Variants in ACKR3 observed in about 807,000 individuals in gnomAD.
The protein encoded by ACKR3 is C-X-C chemokine receptor type 7.
A neutral mutation model predicts 22.4 loss-of-function variants in ACKR3; 6 were observed. The observed-to-expected ratio is 0.27, with a 90% CI of 0.15 to 0.53. ACKR3 has a LOEUF of 0.53. Among genes scored for constraint, ACKR3 ranks in the 20% least tolerant of loss-of-function variants. The probability of loss-of-function intolerance (pLI) is 0.96; values close to 1 mark genes in which losing one functional copy is unlikely to be tolerated. For synonymous variants in ACKR3, 209 were observed against 205.2 expected (o/e 1.02, Z -0.16); for missense variants, 396 against 475.2 (o/e 0.83, Z 1.55).
In ACKR3 at chr2:236,580,805, G is replaced by A. The variant is rs763930150; in HGVS notation, c.340G>A (p.Glu114Lys). The A allele has an allele frequency of 6.2e-6, 10 of 1,614,048 alleles. No homozygotes were observed. Among genetic ancestry groups the A allele is most frequent in the East Asian group, 2.2e-5 (1 of 44,880 alleles). The change falls in exon 2 of 2, where the codon GAG (glutamate) becomes AAG (lysine). Residue 114 changes from glutamate to lysine, a missense_variant. Coordinates refer to ENST00000272928, the MANE Select transcript of ACKR3 (RefSeq NM_020311.3). ...GCAGCACAACCAGTGGCCCATGGGC[G>A]AGCTCACGTGCAAAGTCACACACCT... ...LVQHNQWPMG[E>K]LTCKVTHLIF...
upstream of ACKR3, among the ~76,000 whole-genome samples, chr2:236,567,318 A>G (rs1056975636): frequency 6.6e-6 from 1 of 151,978 alleles, no homozygotes; most frequent in African/African-American, 2.4e-5. Flanking sequence ...TTTCTGTATG[A>G]GGGCTCCCAT....
At position 236,575,817 on chromosome 2, in the gene ACKR3, G is replaced by A. The variant is rs574370785; in HGVS notation, c.-26-4623G>A. 3.8e-4 allele frequency among the ~76,000 whole-genome samples: 58 copies of A among 152,294 alleles called. No homozygotes were observed. The Middle Eastern group carries it at 0.017, about 45-fold the overall frequency. ...CGGAGACACCAGGCTTTACTGAGTC[G>A]TGCCTTTGTTGAAAGACATTTACGT... On this transcript the variant is annotated intron_variant, in intron 1 of 1. Coordinates refer to ENST00000272928, the MANE Select transcript of ACKR3 (RefSeq NM_020311.3).
At chr2:236,568,042 G>A (rs1479028345), upstream of ACKR3, among the ~76,000 whole-genome samples, 1 of 152,198 alleles carries the variant, frequency 6.6e-6, no homozygotes, top group Non-Finnish European at 1.5e-5. Context: ...TTCTGGCCCC[G>A]GACGCACGAA....
chr2:236,551,066 G>A, the ACKR3 span, among the ~76,000 whole-genome samples: 1 of 152,148 alleles, frequency 6.6e-6, no homozygotes, highest in Non-Finnish European at 1.5e-5. Context: ...CCTCAGCCCT[G>A]TAGGCACACC....
At position 236,577,321 on chromosome 2, in the gene ACKR3, T is replaced by G. The variant is rs779188139; in HGVS notation, c.-26-3119T>G. 6.6e-6 allele frequency among the ~76,000 whole-genome samples: 1 copy of G among 152,150 alleles called. No individual in the cohort carries two copies. The highest frequency in any genetic ancestry group is 2.1e-4 in the South Asian group (1 of 4,828). On this transcript the variant is annotated intron_variant, in intron 1 of 1. Transcript: ENST00000272928. This position sits in a 1 kb window ranked among gnomAD's most constrained non-coding sequence, Gnocchi z 5.6. ...GGACGGCTGAGCGGGGAAGTGCCTATCTCAGAAATACTGTTTTTGACTCAG... is the reference window on the plus strand; with the variant it reads ...GGACGGCTGAGCGGGGAAGTGCCTAGCTCAGAAATACTGTTTTTGACTCAG...
the ACKR3 span, among the ~76,000 whole-genome samples, chr2:236,541,844 A>G: frequency 6.6e-6 from 1 of 152,082 alleles, no homozygotes; most frequent in African/African-American, 2.4e-5. Flanking sequence ...TCCCCTGCAC[A>G]TGCTCTGTTG....
At chr2:236,571,955 T>C (rs1223661395) in intron 1 of ACKR3, among the ~76,000 whole-genome samples, 1 of 152,182 alleles carries the variant, frequency 6.6e-6, no homozygotes, top group Non-Finnish European at 1.5e-5. Context: ...AAGAATAGTA[T>C]TAAAACGCCT....
chr2:236,572,393 G>A (rs1380078134), intron 1 of ACKR3, among the ~76,000 whole-genome samples: 1 of 152,222 alleles, frequency 6.6e-6, no homozygotes, highest in East Asian at 1.9e-4. Context: ...ACCACTGTTG[G>A]CAAAGGGACA....
rs368363375 is a variant in ACKR3 at position 236,580,702 on chromosome 2, G to C, written c.237G>C (p.Thr79=). The C allele has an allele frequency of 6.2e-7, 1 of 1,614,150 alleles. No homozygotes were observed. The highest frequency in any genetic ancestry group is 8.5e-7 in the Non-Finnish European group (1 of 1,180,040). Residue 79 remains threonine, a synonymous_variant, in exon 2 of 2, where the codon ACG becomes ACC. Coordinates refer to ENST00000272928, the MANE Select transcript of ACKR3 (RefSeq NM_020311.3). ...AGGCCAAGACCACAGGCTATGACAC[G>C]CACTGCTACATCTTGAACCTGGCCA... ...NIQAKTTGYD[T]HCYILNLAIA...
chr2:236,565,176 G>A (rs575202555), upstream of ACKR3, among the ~76,000 whole-genome samples: 91 of 152,086 alleles, frequency 6.0e-4, no homozygotes, highest in Non-Finnish European at 1.2e-3. Flanking sequence ...CCACTCATGT[G>A]CATCCTCTCG....
chr2:236,541,212 C>A, the ACKR3 span, among the ~76,000 whole-genome samples: 1 of 152,194 alleles, frequency 6.6e-6, no homozygotes, highest in African/African-American at 2.4e-5. Flanking sequence ...ATAAAGCTTA[C>A]TTTGCATTTC....
upstream of ACKR3, among the ~76,000 whole-genome samples, chr2:236,563,347 G>C (rs1691112306): frequency 6.6e-6 from 1 of 152,218 alleles, no homozygotes. Context: ...GCATTGAATA[G>C]AATAGCAATG....
chr2:236,544,058 C>T, the ACKR3 span, among the ~76,000 whole-genome samples: 26 of 143,252 alleles, frequency 1.8e-4, no homozygotes, highest in East Asian at 3.4e-3. The surrounding 1 kb of genome is among the most constrained non-coding windows in gnomAD (Gnocchi z 5.0). Context: ...TATGTGATCT[C>T]GGCTCACTGC....
rs548412128 is a variant in ACKR3 at position 236,579,474 on chromosome 2, GTCTA to G, written c.-26-962_-26-959del. 1.1e-3 allele frequency among the ~76,000 whole-genome samples: 161 copies of G among 152,314 alleles called. 1 individual carries two copies. Among genetic ancestry groups the G allele is most frequent in the African/African-American group, 3.7e-3 (155 of 41,568 alleles). ...TGACAGTAGAAGACAGCCCCTGTCA[GTCTA>G]TCTGAAGAAATCAGTGCCAGATAAC... On this transcript the variant is annotated intron_variant, in intron 1 of 1. Coordinates refer to ENST00000272928, the MANE Select transcript of ACKR3 (RefSeq NM_020311.3).
the ACKR3 span, among the ~76,000 whole-genome samples, chr2:236,547,838 A>ATTT: frequency 7.9e-5 from 11 of 139,770 alleles, no homozygotes; most frequent in Middle Eastern, 3.6e-3. Context: ...TCTTTCATTC[A>ATTT]TTTTTTTTTT....
At chr2:236,565,768 C>T (rs546297694), upstream of ACKR3, among the ~76,000 whole-genome samples, 44 of 152,146 alleles carry the variant, frequency 2.9e-4, no homozygotes, top group Non-Finnish European at 3.1e-4. Flanking sequence ...ATCAGGGTTC[C>T]AAGCCAGGTT....
Position 236,581,082 on chromosome 2 carries a change from A to G in ACKR3, c.617A>G (p.Lys206Arg), listed in dbSNP as rs1691518911. 2 of 1,614,102 alleles carry G rather than the reference A, an allele frequency of 1.2e-6. No individual in the cohort carries two copies. Among genetic ancestry groups the G allele is most frequent in the African/African-American group, 2.7e-5 (2 of 74,938 alleles). The change falls in exon 2 of 2, where the codon AAG (lysine) becomes AGG (arginine). Residue 206 changes from lysine (K) to arginine (R), a missense_variant. Coordinates refer to ENST00000272928, the MANE Select transcript of ACKR3 (RefSeq NM_020311.3). This position sits in a 1 kb window ranked among gnomAD's most constrained non-coding sequence, Gnocchi z 4.4. Reference protein sequence around the residue: ...CRSFYPEHSIKEWLIGMELVS... With the variant: ...CRSFYPEHSIREWLIGMELVS... ...TCCTTCTACCCCGAGCACAGCATCAAGGAGTGGCTGATCGGCATGGAGCTG... is the reference window on the plus strand; with the variant it reads ...TCCTTCTACCCCGAGCACAGCATCAGGGAGTGGCTGATCGGCATGGAGCTG...
upstream of ACKR3, among the ~76,000 whole-genome samples, chr2:236,565,444 T>C (rs982884436): frequency 6.6e-6 from 1 of 152,174 alleles, no homozygotes; most frequent in African/African-American, 2.4e-5. Context: ...GATGCAACAT[T>C]TTTATATAGT....
upstream of ACKR3, among the ~76,000 whole-genome samples, chr2:236,566,850 TTCTTTTCTTTCTTTCTCTCTCTG>T (rs1324092921): frequency 6.8e-6 from 1 of 146,486 alleles, no homozygotes. Flanking sequence ...CTTTCTTTCT[TTCTTTTCTTTCTTTCTCTCTCTG>T]TCTTTTCTTC....
Sources: allele counts gnomAD v4.1 joint callset (sites outside exome capture counted in the v4.1 genomes callset), GRCh38; gene constraint gnomAD v4.1.1; non-coding constraint Gnocchi (gnomAD v3.1); transcripts MANE v1.5; gene names NCBI Gene and HGNC (gene_info 2026-07-23, HGNC 2026-07-21).